The following KPNA4 variants were observed in gnomAD, a reference collection of about 807,000 sequenced individuals.
The protein encoded by KPNA4 is karyopherin subunit alpha 4, also known as importin subunit alpha-3.
A neutral mutation model predicts 71.3 loss-of-function variants in KPNA4; 13 were observed. The observed-to-expected ratio is 0.18, with a 90% CI of 0.12 to 0.29. KPNA4 has a LOEUF of 0.29. KPNA4 is among the 10% of genes least tolerant of loss of function. KPNA4 has a pLI of 1.00. For missense variants in KPNA4, 334 were observed against 603.2 expected (o/e 0.55, Z 4.67); for synonymous variants, 189 against 195.2 (o/e 0.97, Z 0.26).
intron 1 of KPNA4, among the ~76,000 whole-genome samples, chr3:160,560,514 TC>T (rs1320821177): frequency 1.3e-5 from 2 of 151,486 alleles, no homozygotes; most frequent in Non-Finnish European, 3.0e-5. Context: ...TGAATGCTAC[TC>T]CAGAAAACAT....
Position 160,496,460 on chromosome 3 carries a change from AAG to A in KPNA4, c.*5642_*5643del, listed in dbSNP as rs1277101276. 1.3e-5 allele frequency: 2 copies of A among 152,160 alleles called. No homozygotes were observed. Among genetic ancestry groups the A allele is most frequent in the Non-Finnish European group, 2.9e-5 (2 of 68,040 alleles). 9.4% of individuals were successfully genotyped at this position (152,160 alleles called of 1,614,324 possible). ...TCATTTTAAACAGCTGTTTCAAAGTAAGAGTAAAAACAGGCTGGAGAAAATCT... is the reference window on the plus strand; with the variant it reads ...TCATTTTAAACAGCTGTTTCAAAGTAAGTAAAAACAGGCTGGAGAAAATCT... On this transcript the variant is annotated 3_prime_UTR_variant, in exon 17 of 17. Transcript: ENST00000334256.
At chr3:160,512,104 GACA>G (rs1343350535) in intron 13 of KPNA4, among the ~76,000 whole-genome samples, 3 of 152,030 alleles carry the variant, frequency 2.0e-5, no homozygotes, top group Non-Finnish European at 4.4e-5. Context: ...TAGAAAAAAT[GACA>G]ACATTATAAC....
chr3:160,498,843 G>A lies in KPNA4; in HGVS notation c.*3261C>T, dbSNP rs1720820050. On this transcript the variant is annotated 3_prime_UTR_variant, in exon 17 of 17. Coordinates refer to ENST00000334256, the MANE Select transcript of KPNA4 (RefSeq NM_002268.5). ...CTACAGAAATTGTGAAATAATGTAT[G>A]TTGTGTTTTAAGACACTAAATTTAT... The A allele has an allele frequency of 6.6e-6, 1 of 152,130 alleles. No homozygotes were observed. The highest frequency in any genetic ancestry group is 2.4e-5 in the African/African-American group (1 of 41,426). The allele number at this position is 152,130 out of a possible 1,614,324, so 9.4% of individuals were successfully genotyped here.
chr3:160,504,999 A>G lies in KPNA4; in HGVS notation c.1426T>C (p.Leu476=). The stretch of plus-strand genomic sequence containing the variant: ...AACTGATCAATGATCTCATAGGCCA[A>G]TTTGTAGATGTCTTCATTTTCATGA... ...QNHENEDIYK[L]AYEIIDQFFS... Residue 476 remains leucine (L), a synonymous_variant, in exon 16 of 17, where the codon TTG becomes CTG. Coordinates refer to ENST00000334256, the MANE Select transcript of KPNA4 (RefSeq NM_002268.5). 1.3e-6 allele frequency: 2 copies of G among 1,571,974 alleles called. No individual in the cohort carries two copies. Among genetic ancestry groups the G allele is most frequent in the African/African-American group, 2.7e-5 (2 of 73,596 alleles).
intron 1 of KPNA4, among the ~76,000 whole-genome samples, chr3:160,546,515 C>CT (rs1239609406): frequency 6.6e-6 from 1 of 151,948 alleles, no homozygotes; most frequent in East Asian, 1.9e-4. Context: ...AAGACTCCAT[C>CT]TCAGAAAAAA....
In KPNA4 at chr3:160,565,359, A is replaced by G. The variant is rs1722327721; in HGVS notation, c.-77T>C. 7.2e-6 allele frequency: 9 copies of G among 1,242,898 alleles called. No individual in the cohort carries two copies. Among genetic ancestry groups the G allele is most frequent in the Non-Finnish European group, 1.0e-5 (9 of 873,604 alleles). The allele number at this position is 1,242,898 out of a possible 1,614,324, so 77.0% of individuals were successfully genotyped here. A position where few individuals can be genotyped will look rare whatever the true frequency, so the allele number is the denominator to read the frequency against. On this transcript the variant is annotated 5_prime_UTR_variant, in exon 1 of 17. Transcript: ENST00000334256. ...ACCAACGCGCCGCACCGACACTCCC[A>G]GGAACCGGGCCGCCGCCTGAGCTGC... is the stretch of plus-strand genomic sequence containing the variant.
intron 13 of KPNA4, among the ~76,000 whole-genome samples, chr3:160,511,069 T>G (rs1052146223): frequency 6.7e-5 from 10 of 148,434 alleles, no homozygotes; most frequent in Admixed American, 5.4e-4. Flanking sequence ...GGATTACACG[T>G]GTGAGCCACT....
At chr3:160,540,726 A>T (rs1470176962) in intron 1 of KPNA4, among the ~76,000 whole-genome samples, 1 of 152,212 alleles carries the variant, frequency 6.6e-6, no homozygotes, top group Non-Finnish European at 1.5e-5. Flanking sequence ...TGCAGTAAGC[A>T]GTGGTGTCAA....
intron 10 of KPNA4, among the ~76,000 whole-genome samples, chr3:160,524,516 G>T (rs1441257120): frequency 6.6e-6 from 1 of 151,654 alleles, no homozygotes; most frequent in Non-Finnish European, 1.5e-5. Flanking sequence ...TAATTTTTTG[G>T]TATTTTTCAT....
intron 13 of KPNA4, 21 bp from the exon 14 acceptor site, chr3:160,509,892 G>A: frequency 6.3e-7 from 1 of 1,577,988 alleles, no homozygotes; most frequent in Non-Finnish European, 8.7e-7. Flanking sequence ...GCAAAACAAA[G>A]GCTATAAAAA....
intron 10 of KPNA4, among the ~76,000 whole-genome samples, chr3:160,523,442 C>A (rs562445144): frequency 1.3e-3 from 196 of 151,974 alleles, no homozygotes; most frequent in African/African-American, 3.9e-3. Context: ...ATAAAAAAAA[C>A]CAAAAAGACA....
In KPNA4 at chr3:160,495,092, G is replaced by C. The variant is rs961052784; in HGVS notation, c.*7012C>G. 1 of 152,162 alleles carries C rather than the reference G, an allele frequency of 6.6e-6. No homozygotes were observed. The highest frequency in any genetic ancestry group is 1.5e-5 in the Non-Finnish European group (1 of 68,038). The allele number at this position is 152,162 out of a possible 1,614,324, so 9.4% of individuals were successfully genotyped here. On this transcript the variant is annotated 3_prime_UTR_variant, in exon 17 of 17. Transcript: ENST00000334256. ...AGAACTTTGCTTATATGCCGACCTT[G>C]CCCTTAAGGAGCTTACAATCTAGTG...
chr3:160,503,530 A>G (rs1215655541), intron 16 of KPNA4, among the ~76,000 whole-genome samples: 1 of 151,948 alleles, frequency 6.6e-6, no homozygotes, highest in Non-Finnish European at 1.5e-5. Context: ...AATAATGGTT[A>G]TTATTATTAT....
chr3:160,556,871 G>A (rs1055569687), intron 1 of KPNA4, among the ~76,000 whole-genome samples: 2 of 152,182 alleles, frequency 1.3e-5, no homozygotes, highest in Non-Finnish European at 2.9e-5. Flanking sequence ...CAATTCTATA[G>A]ATATATCTGT....
intron 7 of KPNA4, among the ~76,000 whole-genome samples, chr3:160,530,329 A>C (rs1450696924): frequency 1.3e-5 from 2 of 151,796 alleles, no homozygotes; most frequent in Non-Finnish European, 2.9e-5. Context: ...TATTACAAAA[A>C]TTAGCTAGGC....
intron 1 of KPNA4, among the ~76,000 whole-genome samples, chr3:160,551,789 C>A (rs970910948): frequency 6.6e-6 from 1 of 151,424 alleles, no homozygotes; most frequent in African/African-American, 2.4e-5. Context: ...TAGGAAGCCA[C>A]TGAAGGTTTC....
chr3:160,502,295 G>T, intron 16 of KPNA4, 93 bp from the exon 17 acceptor site: 1 of 486,702 alleles, frequency 2.1e-6, no homozygotes, highest in Non-Finnish European at 3.4e-6. Context: ...TTAAAAAAAG[G>T]TCTGGAGAGA....
At chr3:160,563,969 A>T (rs924158881) in intron 1 of KPNA4, among the ~76,000 whole-genome samples, 35 of 147,442 alleles carry the variant, frequency 2.4e-4, no homozygotes, top group African/African-American at 8.0e-4. Flanking sequence ...TAAAAAGCCC[A>T]AAAAATATCT....
chr3:160,502,388 T>C (rs1720901955), intron 16 of KPNA4, among the ~76,000 whole-genome samples, 186 bp from the exon 17 acceptor site: 1 of 152,048 alleles, frequency 6.6e-6, no homozygotes, highest in Non-Finnish European at 1.5e-5. Flanking sequence ...CTTTCTTTTT[T>C]GAGATGGGGT....
Sources: gnomAD v4.1 joint callset for allele counts (sites outside exome capture counted in the v4.1 genomes callset) on GRCh38, gnomAD v4.1.1 for gene constraint, MANE v1.5 for transcripts, NCBI Gene and HGNC (gene_info 2026-07-23, HGNC 2026-07-21) for gene names.